Variants in HACE1 observed in about 807,000 individuals in gnomAD.
HACE1 encodes HECT domain and ankyrin repeat containing E3 ubiquitin protein ligase 1.
In HACE1, 73 loss-of-function variants were observed where a neutral mutation model predicts 118.4. That is an observed-to-expected ratio of 0.62 (90% CI 0.51 to 0.75). The LOEUF (loss-of-function observed/expected upper bound fraction) is 0.75. HACE1 is among the 30% of genes least tolerant of loss of function. The pLI, the probability that HACE1 is intolerant of heterozygous loss-of-function variation, is 0.00. For missense variants in HACE1, 749 were observed against 1,102.2 expected (o/e 0.68, Z 4.54); for synonymous variants, 368 against 374.8 (o/e 0.98, Z 0.21).
At chr6:104,775,764 C>A (rs745380035) in intron 17 of HACE1, among the ~76,000 whole-genome samples, 42 of 152,204 alleles carry the variant, frequency 2.8e-4, no homozygotes, top group African/African-American at 8.4e-4. Context: ...TGAATGCCTG[C>A]AGCTGCCTAG....
rs767379827 is a variant in HACE1 at position 104,859,585 on chromosome 6, TGC to T, written c.56_57del (p.Arg19HisfsTer8). On this transcript the variant is annotated frameshift_variant, in exon 1 of 24. Coordinates refer to ENST00000262903, the MANE Select transcript of HACE1 (RefSeq NM_020771.4). LOFTEE classifies it high-confidence loss of function. Reference protein sequence around the residue: ...NRLTRSLRRARTVELPEDNET... With the variant: ...NRLTRSLRRAXTVELPEDNET... ...GGCTCACCCTCGGGCAACTCCACGG[TGC>T]GCGCGCGGCGCAGCGAGCGCGTCAG... The T allele has an allele frequency of 6.5e-7, 1 of 1,527,330 alleles. No homozygotes were observed. Among genetic ancestry groups the T allele is most frequent in the Non-Finnish European group, 8.8e-7 (1 of 1,141,806 alleles). The allele number at this position is 1,527,330 out of a possible 1,614,324, so 94.6% of individuals were successfully genotyped here. A position where few individuals can be genotyped will look rare whatever the true frequency, so the allele number is the denominator to read the frequency against.
At position 104,834,494 on chromosome 6, in the gene HACE1, A is replaced by AT. The variant is rs1205927281; in HGVS notation, c.403-1322dup. ...ATGCTATCCATTAATTTTTCACATG[A>AT]TTTTTTTTCATTAAAAAGAAAATCA... On this transcript the variant is annotated intron_variant, in intron 5 of 23. Transcript: ENST00000262903. 3.3e-5 allele frequency among the ~76,000 whole-genome samples: 5 copies of AT among 152,026 alleles called. No individual in the cohort carries two copies. In the South Asian group the frequency reaches 8.3e-4, roughly 25 times the overall value.
At position 104,777,120 on chromosome 6, in the gene HACE1, T is replaced by C. The variant is rs1781300423; in HGVS notation, c.1679-10A>G. The stretch of plus-strand genomic sequence containing the variant: ...CTCCTAAAAATAGAATCTAAATATG[T>C]AGCATTGGTTAATTTTACATATTAA... On this transcript the variant is annotated splice_polypyrimidine_tract_variant and intron_variant, in intron 15 of 23. Transcript: ENST00000262903. 7.0e-6 allele frequency: 11 copies of C among 1,579,866 alleles called. No individual in the cohort carries two copies. The highest frequency in any genetic ancestry group is 9.6e-6 in the Non-Finnish European group (11 of 1,149,096).
intron 12 of HACE1, 147 bp downstream of exon 12, chr6:104,784,838 T>C (rs1272418004): frequency 1.1e-5 from 7 of 646,004 alleles, no homozygotes; most frequent in African/African-American, 1.8e-5. Context: ...TATTCCCTAC[T>C]AGATCTAGAT....
In HACE1 at chr6:104,771,129, G is replaced by A. The variant is rs1225414924; in HGVS notation, c.2211+64C>T. Reference sequence around the variant, plus strand: ...TCTACAAGTGCCAGAAGAATTTAGAGTAACTAGCAAACTATCAGGGCCAAG... The same window carrying A: ...TCTACAAGTGCCAGAAGAATTTAGAATAACTAGCAAACTATCAGGGCCAAG... On this transcript the variant is annotated intron_variant, in intron 19 of 23. Transcript: ENST00000262903. The A allele has an allele frequency of 3.4e-6, 4 of 1,161,616 alleles. No individual in the cohort carries two copies. In the African/African-American group the frequency reaches 4.5e-5, roughly 13 times the overall value. The allele number at this position is 1,161,616 out of a possible 1,614,324, so 72.0% of individuals were successfully genotyped here.
At chr6:104,831,094 C>A (rs1213196871) in intron 6 of HACE1, 1 of 152,076 alleles carries the variant, frequency 6.6e-6, no homozygotes, top group Non-Finnish European at 1.5e-5. Context: ...AAAGAAAAAA[C>A]TTAAAAACAT....
chr6:104,766,648 T>C (rs1780045502), intron 19 of HACE1, among the ~76,000 whole-genome samples: 2 of 152,198 alleles, frequency 1.3e-5, no homozygotes, highest in Non-Finnish European at 2.9e-5. Context: ...ACATACTAAA[T>C]TTGTATTTGC....
At chr6:104,734,379 T>C (rs2114390059) in intron 22 of HACE1, among the ~76,000 whole-genome samples, 1 of 152,150 alleles carries the variant, frequency 6.6e-6, no homozygotes, top group East Asian at 1.9e-4. Context: ...AGTATCTAAA[T>C]ATAAACTAAT....
At chr6:104,740,714 C>G (rs202183668) in intron 22 of HACE1, among the ~76,000 whole-genome samples, 1 of 144,226 alleles carries the variant, frequency 6.9e-6, no homozygotes, top group African/African-American at 2.6e-5. Flanking sequence ...GATTCACAGC[C>G]AAATTCTACC....
Position 104,859,838 on chromosome 6 carries a change from A to G in HACE1, c.-196T>C, listed in dbSNP as rs1398995275. The stretch of plus-strand genomic sequence containing the variant: ...CGGGCTGCTGCCGGACCGACCACCT[A>G]CAGTACACCCGCCGCCGCCTCTGCT... On this transcript the variant is annotated 5_prime_UTR_variant, in exon 1 of 24. Coordinates refer to ENST00000262903, the MANE Select transcript of HACE1 (RefSeq NM_020771.4). The G allele has an allele frequency of 1.5e-5, 8 of 527,486 alleles. No homozygotes were observed. The highest frequency in any genetic ancestry group is 2.3e-5 in the Non-Finnish European group (7 of 304,504). 32.7% of individuals were successfully genotyped at this position (527,486 alleles called of 1,614,324 possible).
chr6:104,750,973 A>T (rs1323941432), intron 19 of HACE1, among the ~76,000 whole-genome samples: 1 of 152,158 alleles, frequency 6.6e-6, no homozygotes, highest in Non-Finnish European at 1.5e-5. Flanking sequence ...CCCTATAATG[A>T]CTTCTCATGA....
At chr6:104,836,015 A>G (rs1774495834) in intron 5 of HACE1, among the ~76,000 whole-genome samples, 1 of 152,232 alleles carries the variant, frequency 6.6e-6, no homozygotes. Flanking sequence ...CAAACATGCA[A>G]GGTGGCAACA....
intron 6 of HACE1, among the ~76,000 whole-genome samples, chr6:104,815,979 A>T (rs958712358): frequency 8.6e-5 from 13 of 151,964 alleles, no homozygotes; most frequent in Admixed American, 2.0e-4. Context: ...GGGCTGAGGC[A>T]GGAGAATTGC....
chr6:104,858,450 C>A, intron 1 of HACE1: 1 of 376,522 alleles, frequency 2.7e-6, no homozygotes, highest in South Asian at 1.9e-5. Context: ...TCTGTAATCC[C>A]AACACTTTGG....
chr6:104,858,432 G>T, intron 1 of HACE1: 1 of 339,782 alleles, frequency 2.9e-6, no homozygotes, highest in Non-Finnish European at 5.9e-6. Flanking sequence ...CAGGCGCGGT[G>T]GCTCACATCT....
At chr6:104,818,674 C>A (rs567230153) in intron 6 of HACE1, among the ~76,000 whole-genome samples, 1 of 152,062 alleles carries the variant, frequency 6.6e-6, no homozygotes, top group Admixed American at 6.6e-5. Context: ...CATCAAAAAG[C>A]TCATACACCA....
chr6:104,771,928 G>C lies in HACE1; in HGVS notation c.2011C>G (p.Leu671Val), dbSNP rs1428007290. Residue 671 changes from leucine (L) to valine (V), a missense_variant, in exon 18 of 24, where the codon CTT becomes GTT. Transcript: ENST00000262903. ...AGAAATAATAATAGAGCCATACCAAGAATGTGCTTGTAGAAGGATCGTGTG... is the reference window on the plus strand; with the variant it reads ...AGAAATAATAATAGAGCCATACCAACAATGTGCTTGTAGAAGGATCGTGTG... Reference protein sequence around the residue: ...YFTRSFYKHILGIPVNYQDVA... With the variant: ...YFTRSFYKHIVGIPVNYQDVA... 12 of 1,593,192 alleles carry C rather than the reference G, an allele frequency of 7.5e-6. No individual in the cohort carries two copies. Among genetic ancestry groups the C allele is most frequent in the Non-Finnish European group, 1.0e-5 (12 of 1,161,850 alleles).
chr6:104,759,782 A>G (rs1464516492), intron 19 of HACE1, among the ~76,000 whole-genome samples: 4 of 152,182 alleles, frequency 2.6e-5, no homozygotes, highest in Admixed American at 2.6e-4. Flanking sequence ...TGAAAAGATC[A>G]ACAAAATAGA....
At chr6:104,809,742 A>G (rs1771397315) in intron 7 of HACE1, among the ~76,000 whole-genome samples, 1 of 151,278 alleles carries the variant, frequency 6.6e-6, no homozygotes, top group Non-Finnish European at 1.5e-5. Flanking sequence ...ACCAGTGAAG[A>G]GATTACTGCA....
Sources: allele counts gnomAD v4.1 joint callset (sites outside exome capture counted in the v4.1 genomes callset), GRCh38; gene constraint gnomAD v4.1.1; transcripts MANE v1.5; gene names NCBI Gene and HGNC (gene_info 2026-07-23, HGNC 2026-07-21).